MOV10: variants seen among roughly 807,000 people sequenced by gnomAD.
MOV10 encodes RNA helicase MOV-10.
In MOV10, 39 loss-of-function variants were observed where a neutral mutation model predicts 108.4. That is an observed-to-expected ratio of 0.36 (90% CI 0.28 to 0.47). The LOEUF is 0.47. Ranked by LOEUF, MOV10 falls within the 20% of genes least tolerant of loss-of-function variation. MOV10 has a pLI of 1.00. For missense variants in MOV10, 952 were observed against 1,297.6 expected (o/e 0.73, Z 4.09); for synonymous variants, 490 against 523.1 (o/e 0.94, Z 0.86).
intron 2 of MOV10, among the ~76,000 whole-genome samples, chr1:112,683,904 G>A (rs1329804888): frequency 6.6e-6 from 1 of 152,106 alleles, no homozygotes; most frequent in African/African-American, 2.4e-5. Context: ...CAGGAACAGT[G>A]TTACTGGGTT....
In MOV10 at chr1:112,689,985, C is replaced by A; in HGVS notation, c.723C>A (p.Val241=). ...ACATTGCCCGCTTCTTGGCTGCCGTCGCCCACAGCCCCCTGGCTGCACAGC... is the reference window on the plus strand; with the variant it reads ...ACATTGCCCGCTTCTTGGCTGCCGTAGCCCACAGCCCCCTGGCTGCACAGC... ...TFYIARFLAA[V]AHSPLAAQLK... is the part of the protein sequence containing the mutation. Residue 241 remains valine (V), a synonymous_variant, in exon 5 of 21, where the codon GTC becomes GTA. Transcript: ENST00000369645. 1 of 1,614,130 alleles carries A rather than the reference C, an allele frequency of 6.2e-7. No individual in the cohort carries two copies. The highest frequency in any genetic ancestry group is 8.5e-7 in the Non-Finnish European group (1 of 1,180,048).
Position 112,690,787 on chromosome 1 carries a change from G to A in MOV10, c.836+689G>A, listed in dbSNP as rs149004483. On this transcript the variant is annotated intron_variant, in intron 5 of 20. Transcript: ENST00000369645. ...AATATGTGACACTATCACCACCATC[G>A]GTTTTAGAACATTTCATTATCCCAA... Among the ~76,000 whole-genome samples, 3 of 152,046 alleles carry A rather than the reference G, an allele frequency of 2.0e-5. No homozygotes were observed. In the East Asian group the frequency reaches 5.8e-4, roughly 29 times the overall value.
intron 2 of MOV10, among the ~76,000 whole-genome samples, chr1:112,677,686 T>G (rs1260021329): frequency 1.3e-5 from 2 of 152,112 alleles, no homozygotes; most frequent in Non-Finnish European, 2.9e-5. Context: ...CATAGAGCTT[T>G]GTATGTAGTA....
At chr1:112,691,158 G>A (rs1673549964) in intron 5 of MOV10, among the ~76,000 whole-genome samples, 1 of 152,172 alleles carries the variant, frequency 6.6e-6, no homozygotes, top group African/African-American at 2.4e-5. Context: ...GCGCATGCCT[G>A]TAGTCCCAGC....
chr1:112,681,891 TG>T (rs2101280058), intron 2 of MOV10, among the ~76,000 whole-genome samples: 1 of 151,800 alleles, frequency 6.6e-6, no homozygotes, highest in South Asian at 2.1e-4. Flanking sequence ...AAAAAAAAAT[TG>T]TTTATGGGTT....
At chr1:112,676,979 C>A (rs1282195013) in intron 2 of MOV10, among the ~76,000 whole-genome samples, 4 of 152,078 alleles carry the variant, frequency 2.6e-5, no homozygotes, top group Non-Finnish European at 5.9e-5. Context: ...TACAGAAAGC[C>A]AGATATACTG....
intron 17 of MOV10, chr1:112,699,219 G>GCT (rs1163881716): frequency 4.4e-5 from 10 of 225,524 alleles, no homozygotes; most frequent in Non-Finnish European, 8.7e-5. Flanking sequence ...ACAGCTATCG[G>GCT]GGCAGAGCCA....
rs1185731342 is a variant in MOV10, at chr1:112,696,707, G to A, written c.2059G>A (p.Val687Met). 1.2e-6 allele frequency: 2 copies of A among 1,607,828 alleles called. No homozygotes were observed. The highest frequency in any genetic ancestry group is 1.3e-5 in the African/African-American group (1 of 74,848). Residue 687 changes from valine to methionine, a missense_variant, in exon 14 of 21, where the codon GTG becomes ATG. Physicochemically the swap from Val to Met is conservative, Grantham distance 21. Around this residue, in one of 5 missense-constraint regions of MOV10, gnomAD observed 453 missense variants for 611.5 expected, o/e 0.74. Transcript: ENST00000369645. Reference sequence around the variant, plus strand: ...AGGAGACCCTCGGCAGCTGGGGCCTGTGCTGCGTTCCCCACTGACCCAGAA... The same window carrying A: ...AGGAGACCCTCGGCAGCTGGGGCCTATGCTGCGTTCCCCACTGACCCAGAA... Reference protein sequence around the residue: ...LAGDPRQLGPVLRSPLTQKHG... With the variant: ...LAGDPRQLGPMLRSPLTQKHG...
chr1:112,689,400 T>A lies in MOV10; in HGVS notation c.342-15T>A. On this transcript the variant is annotated splice_polypyrimidine_tract_variant and intron_variant, in intron 3 of 20. Transcript: ENST00000369645. ...GCTCCCACCCCAACCCCCCCTTGAC[T>A]CCCCTTCTCCCCAGGGCTGAGTATC... The A allele has an allele frequency of 6.3e-5, 35 of 551,864 alleles. No individual in the cohort carries two copies. The highest frequency in any genetic ancestry group is 1.0e-4 in the Non-Finnish European group (30 of 288,608). The allele number at this position is 551,864 out of a possible 1,614,324, so 34.2% of individuals were successfully genotyped here. A position where few individuals can be genotyped will look rare whatever the true frequency, so the allele number is the denominator to read the frequency against.
intron 17 of MOV10, 90 bp from the exon 18 acceptor site, chr1:112,699,595 C>T: frequency 3.2e-6 from 5 of 1,586,206 alleles, no homozygotes; most frequent in Non-Finnish European, 3.4e-6. Flanking sequence ...AGTGACCTCT[C>T]TGTACCCTCC....
chr1:112,690,925 G>A (rs922890978), intron 5 of MOV10, among the ~76,000 whole-genome samples: 3 of 152,154 alleles, frequency 2.0e-5, no homozygotes, highest in African/African-American at 2.4e-5. Context: ...GGATGGAAGC[G>A]TAGGATATGT....
chr1:112,696,393 T>G (rs372180848), intron 12 of MOV10, 44 bp from the exon 13 acceptor site: 238 of 1,518,710 alleles, frequency 1.6e-4, no homozygotes, highest in Non-Finnish European at 2.0e-4. Flanking sequence ...GGTTTGGTAG[T>G]TGGGTGCCTG....
At chr1:112,698,163 T>A (rs1674281495) in intron 15 of MOV10, 52 bp downstream of exon 15, 1 of 1,596,478 alleles carries the variant, frequency 6.3e-7, no homozygotes, top group Non-Finnish European at 8.6e-7. Context: ...TCCCTCCCAC[T>A]GAAGGTGCAG....
In MOV10 at chr1:112,694,318, G is replaced by T; in HGVS notation, c.1296-135G>T. On this transcript the variant is annotated intron_variant, in intron 8 of 20. Coordinates refer to ENST00000369645, the MANE Select transcript of MOV10 (RefSeq NM_001321324.2). The surrounding 1 kb of genome is among the most constrained non-coding windows in gnomAD (Gnocchi z 4.1). ...AGGGGTACCCTGAGATGCTACGGCA[G>T]CTTCCTCTTCTAGAGAACTTGCATA... The T allele has an allele frequency of 1.4e-6, 2 of 1,410,934 alleles. No individual in the cohort carries two copies. Among genetic ancestry groups the T allele is most frequent in the South Asian group, 2.5e-5 (2 of 79,374 alleles). The allele number at this position is 1,410,934 out of a possible 1,614,324, so 87.4% of individuals were successfully genotyped here.
intron 2 of MOV10, among the ~76,000 whole-genome samples, chr1:112,680,520 GT>G (rs1457103954): frequency 1.3e-5 from 2 of 151,124 alleles, no homozygotes; most frequent in East Asian, 4.0e-4. Flanking sequence ...GCTGGGCGTG[GT>G]GGCGGGCGCC....
chr1:112,675,169 G>A lies in MOV10; in HGVS notation c.137+120G>A. On this transcript the variant is annotated intron_variant, in intron 2 of 20. Transcript: ENST00000369645. The surrounding 1 kb of genome is among the most constrained non-coding windows in gnomAD (Gnocchi z 4.7). ...GGGACGCAGCTCCCCCAGCGGCTCA[G>A]GCCAGTCCCGGGGCGGCGCAGACCT... is the stretch of plus-strand genomic sequence containing the variant. 8.4e-7 allele frequency: 1 copy of A among 1,196,328 alleles called. No homozygotes were observed. The highest frequency in any genetic ancestry group is 3.1e-5 in the East Asian group (1 of 31,944). 74.1% of individuals were successfully genotyped at this position (1,196,328 alleles called of 1,614,324 possible). A position where few individuals can be genotyped will look rare whatever the true frequency, so the allele number is the denominator to read the frequency against.
rs758407447 is a variant in MOV10 at position 112,695,569 on chromosome 1, A to G, written c.1774A>G (p.Ile592Val). The change falls in exon 11 of 21, where the codon ATC becomes GTC. Residue 592 changes from isoleucine to valine, a missense_variant. This residue lies in a region of MOV10 where 453 missense variants were observed against 611.5 expected (regional missense o/e 0.74). Transcript: ENST00000369645. The stretch of plus-strand genomic sequence containing the variant: ...GGACATCCGCATGGTACCTGAGGAC[A>G]TCAAGGTACTAGGGAAGTGCAGAGG... ...SRDIRMVPED[I>V]KPCCNWDAKK... The G allele has an allele frequency of 1.1e-5, 17 of 1,613,786 alleles. No homozygotes were observed. The highest frequency in any genetic ancestry group is 1.7e-5 in the Admixed American group (1 of 59,984).
In MOV10 at chr1:112,691,725, C is replaced by T; in HGVS notation, c.897C>T (p.Arg299=). 1.2e-6 allele frequency: 2 copies of T among 1,614,176 alleles called. No individual in the cohort carries two copies. The highest frequency in any genetic ancestry group is 1.7e-6 in the Non-Finnish European group (2 of 1,180,046). The change falls in exon 6 of 21, where the codon CGC becomes CGT. Residue 299 remains arginine, a synonymous_variant. Transcript: ENST00000369645. The stretch of plus-strand genomic sequence containing the variant: ...TGGGGACATACTACCCACCTCCCCG[C>T]CTCAGGCAGCTGCTCCCCATGCTTC... ...MALGTYYPPP[R]LRQLLPMLLQ... is the part of the protein sequence containing the mutation.
intron 2 of MOV10, among the ~76,000 whole-genome samples, chr1:112,680,135 G>T (rs574431637): frequency 6.6e-6 from 1 of 152,216 alleles, no homozygotes; most frequent in East Asian, 1.9e-4. Flanking sequence ...TGGTGGTTCT[G>T]TAAAGCATTG....
Sources: gnomAD v4.1 joint callset for allele counts (sites outside exome capture counted in the v4.1 genomes callset) on GRCh38, gnomAD v4.1.1 for gene constraint, gnomAD v4.1.1 regional missense constraint, Gnocchi (gnomAD v3.1) non-coding constraint, MANE v1.5 for transcripts, NCBI Gene and HGNC (gene_info 2026-07-23, HGNC 2026-07-21) for gene names.